LVRN: variants seen among roughly 807,000 people sequenced by gnomAD.
LVRN encodes the protein aminopeptidase Q.
LVRN carries 99 observed loss-of-function variants against 111.4 expected under a neutral mutation model. That is an observed-to-expected ratio of 0.89 (90% CI 0.76 to 1.05). The LOEUF (loss-of-function observed/expected upper bound fraction) is 1.05. Among genes scored for constraint, LVRN ranks in the 50% least tolerant of loss-of-function variants. The pLI is 0.00. For synonymous variants in LVRN, 488 were observed against 449.5 expected (o/e 1.09, Z -1.08); for missense variants, 1,414 against 1,206.8 (o/e 1.17, Z -2.54).
intron 1 of LVRN, among the ~76,000 whole-genome samples, chr5:115,966,019 G>A (rs1396110771): frequency 6.6e-6 from 1 of 152,050 alleles, no homozygotes; most frequent in African/African-American, 2.4e-5. Flanking sequence ...ATATAGAGAG[G>A]TCCTAGGTAC....
chr5:116,006,816 A>G (rs1295309857), intron 13 of LVRN, among the ~76,000 whole-genome samples: 1 of 152,194 alleles, frequency 6.6e-6, no homozygotes, highest in Non-Finnish European at 1.5e-5. Flanking sequence ...CTACATTGCT[A>G]CTTATCTTTC....
At chr5:116,001,537 T>C (rs186511466) in intron 10 of LVRN, among the ~76,000 whole-genome samples, 3 of 152,270 alleles carry the variant, frequency 2.0e-5, no homozygotes, top group Admixed American at 2.0e-4. Flanking sequence ...TACTTGGGAT[T>C]CTGAGTGAGG....
At chr5:115,981,923 G>A (rs2112569489) in intron 1 of LVRN, among the ~76,000 whole-genome samples, 1 of 152,266 alleles carries the variant, frequency 6.6e-6, no homozygotes, top group East Asian at 1.9e-4. Context: ...AGTTCAAACA[G>A]CAGTACAAGG....
At chr5:115,972,842 G>A (rs73259355) in intron 1 of LVRN, among the ~76,000 whole-genome samples, 1,697 of 152,046 alleles carry the variant, frequency 0.011, 38 homozygotes, top group African/African-American at 0.039. Flanking sequence ...TGTGTATTCT[G>A]CATCTTTTGA....
chr5:115,973,687 G>A lies in LVRN; in HGVS notation c.696-9600G>A, dbSNP rs113824713. ...TTAATCAAAGTTGCCAAATGTGTAA[G>A]TACAAAATTGTTCAAAATATTTCGT... On this transcript the variant is annotated intron_variant, in intron 1 of 19. Coordinates refer to ENST00000357872, the MANE Select transcript of LVRN (RefSeq NM_173800.5). Among the ~76,000 whole-genome samples the A allele has an allele frequency of 1.3e-3, 193 of 152,240 alleles. 1 individual carries two copies. The East Asian group carries it at 0.013, about 10-fold the overall frequency.
rs765015672 is a variant in LVRN, at chr5:115,987,937, C to A, written c.1103C>A (p.Thr368Lys). 2 of 1,608,946 alleles carry A rather than the reference C, an allele frequency of 1.2e-6. No individual in the cohort carries two copies. Among genetic ancestry groups the A allele is most frequent in the East Asian group, 4.5e-5 (2 of 44,704 alleles). The part of the protein sequence containing the change: ...LFNISYSLPK[T>K]DIIALPSFDN... ...AATATCAGTTACTCTCTTCCAAAAA[C>A]AGGTGAGGTAATCTTTTCCTTTCAG... is the stretch of plus-strand genomic sequence containing the variant. Residue 368 changes from threonine (T) to lysine (K), a missense_variant and splice_region_variant, in exon 4 of 20, where the codon ACA becomes AAA. Thr to Lys is a moderately conservative substitution (Grantham distance 78). Coordinates refer to ENST00000357872, the MANE Select transcript of LVRN (RefSeq NM_173800.5).
chr5:116,013,754 T>C (rs370635233), intron 15 of LVRN, among the ~76,000 whole-genome samples: 1 of 152,148 alleles, frequency 6.6e-6, no homozygotes, highest in African/African-American at 2.4e-5. Flanking sequence ...TGACCGCAAA[T>C]CTGGAGTAGG....
At chr5:115,977,056 T>C (rs1316834877) in intron 1 of LVRN, among the ~76,000 whole-genome samples, 2 of 152,202 alleles carry the variant, frequency 1.3e-5, no homozygotes, top group Non-Finnish European at 2.9e-5. Context: ...CCAAACAGTA[T>C]GTGAACTCTG....
chr5:115,983,495 C>T, intron 2 of LVRN, 66 bp downstream of exon 2: 1 of 1,489,280 alleles, frequency 6.7e-7, no homozygotes, highest in Non-Finnish European at 9.0e-7. Context: ...ACATTTATAC[C>T]AGTAGCTTTT....
chr5:116,012,347 AC>A, intron 14 of LVRN, 26 bp from the exon 15 acceptor site: 1 of 1,233,418 alleles, frequency 8.1e-7, no homozygotes, highest in Non-Finnish European at 1.2e-6. Context: ...GCCAGAACTA[AC>A]AGTGTATTTT....
chr5:116,014,360 G>A (rs1045447851), intron 15 of LVRN, 60 bp from the exon 16 acceptor site: 11 of 1,125,650 alleles, frequency 9.8e-6, no homozygotes, highest in African/African-American at 7.8e-5. Flanking sequence ...ATTCTTGGAG[G>A]CAGAGAAAAT....
Position 116,001,051 on chromosome 5 carries a change from T to C in LVRN, c.1648-16T>C, listed in dbSNP as rs2112603640. 1.9e-6 allele frequency: 3 copies of C among 1,575,088 alleles called. No homozygotes were observed. Among genetic ancestry groups the C allele is most frequent in the Non-Finnish European group, 2.6e-6 (3 of 1,166,856 alleles). On this transcript the variant is annotated splice_polypyrimidine_tract_variant and intron_variant, in intron 9 of 19. Transcript: ENST00000357872. ...CGGATAACCTTACCTGCCTTTGTGGTGATTTTTTAAAACAGGCCATAGATG... is the reference window on the plus strand; with the variant it reads ...CGGATAACCTTACCTGCCTTTGTGGCGATTTTTTAAAACAGGCCATAGATG...
intron 1 of LVRN, among the ~76,000 whole-genome samples, chr5:115,968,667 A>G (rs1484630946): frequency 6.6e-6 from 1 of 152,072 alleles, no homozygotes; most frequent in Admixed American, 6.5e-5. Context: ...TGCAGGGAGG[A>G]AGGTGGGGGA....
intron 15 of LVRN, among the ~76,000 whole-genome samples, chr5:116,013,441 C>G (rs17138659): frequency 2.5e-3 from 388 of 152,182 alleles, no homozygotes; most frequent in African/African-American, 9.1e-3. Context: ...ACTGAAGTAG[C>G]CTACTTTTTA....
At chr5:116,022,874 G>A (rs1370919335) in intron 19 of LVRN, among the ~76,000 whole-genome samples, 2 of 152,212 alleles carry the variant, frequency 1.3e-5, no homozygotes, top group Non-Finnish European at 2.9e-5. Context: ...CCTTAGTTTG[G>A]CTTCATTTTT....
intron 10 of LVRN, among the ~76,000 whole-genome samples, chr5:116,002,039 A>G: frequency 6.6e-6 from 1 of 152,340 alleles, no homozygotes; most frequent in Non-Finnish European, 1.5e-5. Context: ...TAATTTTCAA[A>G]TACAATCACC....
intron 13 of LVRN, chr5:116,010,435 T>C: frequency 4.8e-6 from 2 of 417,142 alleles, no homozygotes; most frequent in South Asian, 3.7e-5. Context: ...CAAATTATGC[T>C]GTCATAAGAA....
At chr5:115,981,956 G>C (rs1399700892) in intron 1 of LVRN, among the ~76,000 whole-genome samples, 1 of 152,156 alleles carries the variant, frequency 6.6e-6, no homozygotes, top group African/African-American at 2.4e-5. Flanking sequence ...TTATTTTCTA[G>C]GTGGGGAAAC....
chr5:115,992,504 G>C (rs1748019282), intron 5 of LVRN, among the ~76,000 whole-genome samples: 1 of 152,114 alleles, frequency 6.6e-6, no homozygotes, highest in Non-Finnish European at 1.5e-5. Flanking sequence ...CTGAGGGCTG[G>C]GTATTTACAT....
Sources: allele counts gnomAD v4.1 joint callset (sites outside exome capture counted in the v4.1 genomes callset), GRCh38; gene constraint gnomAD v4.1.1; transcripts MANE v1.5; gene names NCBI Gene and HGNC (gene_info 2026-07-23, HGNC 2026-07-21).